Variants in EIF4G3 observed in about 807,000 individuals in gnomAD.
EIF4G3 encodes eukaryotic translation initiation factor 4 gamma 3.
Under a neutral mutation model 186.4 loss-of-function variants are expected in EIF4G3, and 34 were observed. That is an observed-to-expected ratio of 0.18 (90% CI 0.14 to 0.24). EIF4G3 has a LOEUF of 0.24. EIF4G3 is among the 10% of genes least tolerant of loss of function. The pLI is 1.00. For missense variants in EIF4G3, 1,536 were observed against 1,948.5 expected, an observed-to-expected ratio of 0.79 and a Z score of 3.99; for synonymous variants, 673 against 679.5, an observed-to-expected ratio of 0.99 and a Z score of 0.15.
chr1:21,069,237 A>C (rs1459980996), intron 3 of EIF4G3, among the ~76,000 whole-genome samples: 1 of 152,198 alleles, frequency 6.6e-6, no homozygotes, highest in African/African-American at 2.4e-5. Context: ...GAGTTCATCT[A>C]GATACCATCT....
At chr1:20,939,972 A>C (rs991652406) in intron 14 of EIF4G3, among the ~76,000 whole-genome samples, 1 of 148,206 alleles carries the variant, frequency 6.7e-6, no homozygotes, top group African/African-American at 2.5e-5. Context: ...CTCCTGCCTC[A>C]GCCTCCCGAG....
intron 27 of EIF4G3, among the ~76,000 whole-genome samples, 167 bp from the exon 28 acceptor site, chr1:20,851,645 G>C (rs2073316860): frequency 6.6e-6 from 1 of 152,210 alleles, no homozygotes; most frequent in Admixed American, 6.5e-5. Context: ...CAACAAACAA[G>C]TAAAAGAGTG....
intron 6 of EIF4G3, chr1:20,998,866 G>A (rs975269687): frequency 2.3e-6 from 1 of 426,910 alleles, no homozygotes; most frequent in Non-Finnish European, 4.7e-6. Context: ...TATTTAAGGA[G>A]CAAAAATATA....
At chr1:20,977,974 A>G (rs1040622280) in intron 10 of EIF4G3, among the ~76,000 whole-genome samples, 1 of 152,198 alleles carries the variant, frequency 6.6e-6, no homozygotes, top group Admixed American at 6.5e-5. Context: ...CAATTCAGTA[A>G]GACATCTTTA....
At chr1:20,841,918 A>G (rs1421674887) in intron 29 of EIF4G3, among the ~76,000 whole-genome samples, 1 of 151,736 alleles carries the variant, frequency 6.6e-6, no homozygotes, top group Non-Finnish European at 1.5e-5. Flanking sequence ...GGATGTAGGT[A>G]GGAAGGGTGA....
At chr1:21,007,612 A>G (rs1046412174) in intron 4 of EIF4G3, among the ~76,000 whole-genome samples, 1 of 149,630 alleles carries the variant, frequency 6.7e-6, no homozygotes, top group African/African-American at 2.4e-5. Flanking sequence ...GTACTTAGTC[A>G]CTGAGAGAAT....
intron 2 of EIF4G3, among the ~76,000 whole-genome samples, chr1:21,093,022 T>C (rs537241380): frequency 6.6e-6 from 1 of 152,252 alleles, no homozygotes; most frequent in East Asian, 1.9e-4. Flanking sequence ...GGCAATACCA[T>C]TCAGGACACA....
chr1:20,881,066 C>T (rs745428758), intron 19 of EIF4G3, among the ~76,000 whole-genome samples: 79 of 152,222 alleles, frequency 5.2e-4, no homozygotes, highest in Admixed American at 1.6e-3. Flanking sequence ...GAATTGAATT[C>T]ACACAACCAG....
chr1:20,981,191 T>C lies in EIF4G3; in HGVS notation c.235A>G (p.Thr79Ala). 1 of 1,613,118 alleles carries C rather than the reference T, an allele frequency of 6.2e-7. No homozygotes were observed. The highest frequency in any genetic ancestry group is 8.5e-7 in the Non-Finnish European group (1 of 1,179,660). Reference sequence around the variant, plus strand: ...ATGGAAGGACTGCTGTTCGGGATGGTAGCTCTAGGAGGCTGTATTTGAGGC... The same window carrying C: ...ATGGAAGGACTGCTGTTCGGGATGGCAGCTCTAGGAGGCTGTATTTGAGGC... ...QRPQIQPPRA[T>A]IPNSSPSIRP... The change falls in exon 9 of 37, where the codon ACC (threonine) becomes GCC (alanine). Residue 79 changes from threonine to alanine, a missense_variant. Physicochemically the swap from Thr to Ala is moderately conservative, Grantham distance 58. Coordinates refer to ENST00000602326, the MANE Select transcript of EIF4G3 (RefSeq NM_001391906.1).
At position 21,129,549 on chromosome 1, in the gene EIF4G3, C is replaced by G. The variant is rs139093017; in HGVS notation, c.-271-40336G>C. 4.5e-3 allele frequency among the ~76,000 whole-genome samples: 683 copies of G among 151,220 alleles called. 6 individuals are homozygous for G. Among genetic ancestry groups the G allele is most frequent in the African/African-American group, 0.016 (648 of 40,630 alleles). ...CTGGAGAGAGTCCCATCTGATGGAA[C>G]AGGAGTGCAAGAGGTAGATCCTCCA... On this transcript the variant is annotated intron_variant, in intron 2 of 36. Transcript: ENST00000602326.
chr1:21,091,773 T>A (rs1418403768), intron 2 of EIF4G3, among the ~76,000 whole-genome samples: 1 of 152,212 alleles, frequency 6.6e-6, no homozygotes, highest in Non-Finnish European at 1.5e-5. Flanking sequence ...GGGAGTTTAC[T>A]CATGATTTGG....
intron 26 of EIF4G3, 97 bp from the exon 27 acceptor site, chr1:20,853,774 A>C: frequency 2.4e-6 from 2 of 849,338 alleles, no homozygotes; most frequent in Non-Finnish European, 3.9e-6. Context: ...GAGACCAGGC[A>C]TTCCTAACAA....
intron 14 of EIF4G3, among the ~76,000 whole-genome samples, chr1:20,940,599 G>C (rs2095676775): frequency 1.3e-5 from 2 of 152,182 alleles, no homozygotes; most frequent in African/African-American, 2.4e-5. Flanking sequence ...TGCTGGAGGA[G>C]CACTCATTTA....
chr1:20,949,348 G>A (rs2096103414), intron 13 of EIF4G3, among the ~76,000 whole-genome samples: 1 of 152,164 alleles, frequency 6.6e-6, no homozygotes, highest in Non-Finnish European at 1.5e-5. Context: ...TTCAATAGGA[G>A]CAGAGACCTT....
intron 6 of EIF4G3, among the ~76,000 whole-genome samples, chr1:20,998,253 T>A (rs902464917): frequency 2.3e-5 from 3 of 128,996 alleles, no homozygotes; most frequent in Non-Finnish European, 3.4e-5. Context: ...ACACACAAGT[T>A]TAAGTTTAAA....
chr1:21,146,112 G>A (rs569738044), intron 2 of EIF4G3, among the ~76,000 whole-genome samples: 11 of 152,180 alleles, frequency 7.2e-5, no homozygotes, highest in Admixed American at 2.0e-4. Flanking sequence ...AAAAAAAATT[G>A]AGGAGTAGAG....
chr1:20,924,056 A>C (rs891214988), intron 14 of EIF4G3, among the ~76,000 whole-genome samples: 2 of 151,650 alleles, frequency 1.3e-5, no homozygotes, highest in Non-Finnish European at 2.9e-5. Context: ...CATCATAAAA[A>C]CTCATGGTTA....
Position 20,865,130 on chromosome 1 carries a change from C to G in EIF4G3, c.2755G>C (p.Glu919Gln). The G allele has an allele frequency of 6.2e-7, 1 of 1,614,100 alleles. No individual in the cohort carries two copies. The highest frequency in any genetic ancestry group is 8.5e-7 in the Non-Finnish European group (1 of 1,179,994). The change falls in exon 21 of 37, where the codon GAG becomes CAG. Residue 919 changes from glutamate to glutamine, a missense_variant. By Grantham distance (29) the Glu-to-Gln change is conservative (BLOSUM62 2). Transcript: ENST00000602326. ...AAAATACTTACAGCACTGGCAGCCT[C>G]AAGTTCTTTCTGCTTCTTCTCAAAG... ...DVFEKKQKEL[E>Q]AASAPEERTR...
chr1:21,113,140 C>T (rs2096755546), intron 2 of EIF4G3, among the ~76,000 whole-genome samples: 1 of 110,960 alleles, frequency 9.0e-6, no homozygotes, highest in Non-Finnish European at 1.9e-5. Context: ...GATAGAGGCC[C>T]TATCTCAAAA....
Sources: gnomAD v4.1 joint callset for allele counts (sites outside exome capture counted in the v4.1 genomes callset) on GRCh38, gnomAD v4.1.1 for gene constraint, MANE v1.5 for transcripts, NCBI Gene and HGNC (gene_info 2026-07-23, HGNC 2026-07-21) for gene names.